Variants in KPNA3 observed in about 807,000 individuals in gnomAD.
KPNA3 encodes the protein importin subunit alpha-4.
Under a neutral mutation model 73.8 loss-of-function variants are expected in KPNA3, and 13 were observed. That is an observed-to-expected ratio of 0.18 (90% CI 0.11 to 0.28). KPNA3 has a LOEUF of 0.28. Among genes scored for constraint, KPNA3 ranks in the 10% least tolerant of loss-of-function variants. KPNA3 has a pLI of 1.00. For synonymous variants in KPNA3, 186 were observed against 206.9 expected (o/e 0.90, Z 0.87); for missense variants, 360 against 618.1 (o/e 0.58, Z 4.43).
chr13:49,752,994 T>C (rs1288351885), intron 1 of KPNA3, among the ~76,000 whole-genome samples: 1 of 118,958 alleles, frequency 8.4e-6, no homozygotes, highest in Non-Finnish European at 1.6e-5. Flanking sequence ...GCCATTGCAC[T>C]CCAGCCTGGG....
intron 16 of KPNA3, among the ~76,000 whole-genome samples, 197 bp from the exon 17 acceptor site, chr13:49,702,095 G>A (rs1954154169): frequency 1.3e-5 from 2 of 152,106 alleles, no homozygotes; most frequent in African/African-American, 2.4e-5. Context: ...GCATTGTTAA[G>A]TTTCTGTATC....
intron 2 of KPNA3, among the ~76,000 whole-genome samples, chr13:49,736,051 C>T (rs930795561): frequency 2.6e-5 from 4 of 152,134 alleles, no homozygotes; most frequent in African/African-American, 9.7e-5. Flanking sequence ...TATCAGCCCC[C>T]TTTCAAGCTT....
At chr13:49,746,042 G>A (rs928623233) in intron 2 of KPNA3, among the ~76,000 whole-genome samples, 12 of 136,040 alleles carry the variant, frequency 8.8e-5, no homozygotes, top group African/African-American at 2.2e-4. Context: ...CAGCTTGGGC[G>A]ACAGAGCGAG....
chr13:49,714,589 C>T (rs9596174), intron 10 of KPNA3, among the ~76,000 whole-genome samples: 18,096 of 151,942 alleles, frequency 0.12, 2,156 homozygotes, highest in East Asian at 0.58. Flanking sequence ...AGTACCAAAT[C>T]CCCAAAGGAT....
chr13:49,791,071 T>A (rs1955029030), intron 1 of KPNA3, among the ~76,000 whole-genome samples: 1 of 152,216 alleles, frequency 6.6e-6, no homozygotes, highest in Admixed American at 6.5e-5. Flanking sequence ...GAATATATGA[T>A]CTTTATTTGA....
Position 49,776,716 on chromosome 13 carries a change from C to T in KPNA3, c.69+15722G>A, listed in dbSNP as rs542980560. On this transcript the variant is annotated intron_variant, in intron 1 of 16. Coordinates refer to ENST00000261667, the MANE Select transcript of KPNA3 (RefSeq NM_002267.4). ...TTCCCAAAATATTTATTGAAAAATG[C>T]TTCTATCCATTTCTGATGTTTTTCT... Among the ~76,000 whole-genome samples, 4 of 152,176 alleles carry T rather than the reference C, an allele frequency of 2.6e-5. No individual in the cohort carries two copies. In the East Asian group the frequency reaches 5.8e-4, roughly 22 times the overall value.
chr13:49,701,620 G>C lies in KPNA3; in HGVS notation c.*180C>G. 1 of 742,352 alleles carries C rather than the reference G, an allele frequency of 1.3e-6. No homozygotes were observed. Among genetic ancestry groups the C allele is most frequent in the South Asian group, 1.4e-5 (1 of 72,282 alleles). The allele number at this position is 742,352 out of a possible 1,614,324, so 46.0% of individuals were successfully genotyped here. On this transcript the variant is annotated 3_prime_UTR_variant, in exon 17 of 17. Coordinates refer to ENST00000261667, the MANE Select transcript of KPNA3 (RefSeq NM_002267.4). ...AGGAAATCATGCATATGCATTTACA[G>C]TCCATGTGATAGTGACTTTTGGCAA... is the stretch of plus-strand genomic sequence containing the variant.
At chr13:49,726,406 C>T (rs898205358) in intron 6 of KPNA3, among the ~76,000 whole-genome samples, 8 of 152,126 alleles carry the variant, frequency 5.3e-5, no homozygotes, top group African/African-American at 1.9e-4. Context: ...GGAAATAAAA[C>T]AGGTATCATG....
intron 1 of KPNA3, among the ~76,000 whole-genome samples, chr13:49,791,749 C>T (rs1159003765): frequency 9.8e-5 from 15 of 152,360 alleles, no homozygotes; most frequent in Admixed American, 6.5e-4. Context: ...AACTATTGTC[C>T]ACCTTCAGCT....
intron 7 of KPNA3, among the ~76,000 whole-genome samples, chr13:49,724,746 G>A (rs534347367): frequency 5.0e-4 from 76 of 152,218 alleles, no homozygotes; most frequent in Non-Finnish European, 8.5e-4. Context: ...ATAGGCATGC[G>A]CCACCATGCA....
In KPNA3 at chr13:49,767,530, G is replaced by A. The variant is rs192821489; in HGVS notation, c.70-20537C>T. The stretch of plus-strand genomic sequence containing the variant: ...TGTGGTGATGGTTTCATCAGTGTAT[G>A]TACGTGTGTGAAAGAGTATCAAATT... On this transcript the variant is annotated intron_variant, in intron 1 of 16. Coordinates refer to ENST00000261667, the MANE Select transcript of KPNA3 (RefSeq NM_002267.4). Among the ~76,000 whole-genome samples the A allele has an allele frequency of 1.8e-4, 28 of 152,180 alleles. 1 individual carries two copies. The East Asian group carries it at 5.4e-3, about 29-fold the overall frequency.
At chr13:49,766,803 C>A (rs564787741) in intron 1 of KPNA3, among the ~76,000 whole-genome samples, 2 of 152,012 alleles carry the variant, frequency 1.3e-5, no homozygotes, top group South Asian at 2.1e-4. Context: ...AAAATTAAAG[C>A]TTGTTTTACC....
At chr13:49,713,668 CACA>C in intron 10 of KPNA3, among the ~76,000 whole-genome samples, 1 of 147,022 alleles carries the variant, frequency 6.8e-6, no homozygotes, top group Non-Finnish European at 1.5e-5. Context: ...CACACACACA[CACA>C]CACAAAACAG....
At chr13:49,730,637 A>C (rs1015230356) in intron 6 of KPNA3, among the ~76,000 whole-genome samples, 1 of 149,396 alleles carries the variant, frequency 6.7e-6, no homozygotes, top group African/African-American at 2.5e-5. Flanking sequence ...TTATTATTAT[A>C]CTTTAAGTTT....
At chr13:49,743,159 ATTGACAG>A (rs1007830676) in intron 2 of KPNA3, among the ~76,000 whole-genome samples, 3 of 152,290 alleles carry the variant, frequency 2.0e-5, no homozygotes, top group Non-Finnish European at 2.9e-5. Flanking sequence ...GTGAGTTACA[ATTGACAG>A]ATGATATCCA....
At chr13:49,711,411 A>G (rs1954259664) in intron 10 of KPNA3, among the ~76,000 whole-genome samples, 1 of 152,264 alleles carries the variant, frequency 6.6e-6, no homozygotes, top group South Asian at 2.1e-4. Context: ...TTTCAAGTTC[A>G]GAAGAGAACA....
chr13:49,726,584 A>G (rs1954411681), intron 6 of KPNA3, among the ~76,000 whole-genome samples: 1 of 152,044 alleles, frequency 6.6e-6, no homozygotes, highest in South Asian at 2.1e-4. Context: ...AAAAGGGAGG[A>G]AAGAAAATAA....
At chr13:49,711,091 C>A in intron 10 of KPNA3, 69 bp from the exon 11 acceptor site, 1 of 1,429,566 alleles carries the variant, frequency 7.0e-7, no homozygotes, top group Non-Finnish European at 9.4e-7. Context: ...CAACACACCT[C>A]AGGAGTAGTG....
chr13:49,742,807 A>G (rs1303623385), intron 2 of KPNA3, among the ~76,000 whole-genome samples: 2 of 152,104 alleles, frequency 1.3e-5, no homozygotes, highest in Non-Finnish European at 2.9e-5. Flanking sequence ...CTTCTTTTAC[A>G]TTTTGGCACA....
Sources: gnomAD v4.1 joint callset for allele counts (sites outside exome capture counted in the v4.1 genomes callset) on GRCh38, gnomAD v4.1.1 for gene constraint, MANE v1.5 for transcripts, NCBI Gene and HGNC (gene_info 2026-07-23, HGNC 2026-07-21) for gene names.